VIRMA: variants seen among roughly 807,000 people sequenced by gnomAD.
VIRMA encodes protein virilizer homolog.
In VIRMA, 65 loss-of-function variants were observed where a neutral mutation model predicts 182.4. That is an observed-to-expected ratio of 0.36 (90% CI 0.29 to 0.44). The LOEUF (loss-of-function observed/expected upper bound fraction) is 0.44. VIRMA is among the 20% of genes least tolerant of loss of function. VIRMA has a pLI of 1.00. For synonymous variants in VIRMA, 709 were observed against 743.1 expected (o/e 0.95, Z 0.75); for missense variants, 1,752 against 2,158.1 (o/e 0.81, Z 3.73).
intron 15 of VIRMA, 97 bp from the exon 16 acceptor site, chr8:94,506,814 A>G (rs1368172357): frequency 1.3e-5 from 9 of 672,070 alleles, no homozygotes; most frequent in Non-Finnish European, 2.3e-5. Context: ...TTCAATAACT[A>G]TCTCATTAAA....
intron 10 of VIRMA, among the ~76,000 whole-genome samples, chr8:94,517,454 TGGCCTCCCAAAG>T (rs1814600325): frequency 6.6e-6 from 1 of 152,204 alleles, no homozygotes; most frequent in Admixed American, 6.5e-5. Context: ...CCACCCGCCT[TGGCCTCCCAAAG>T]TGCTGGGATT....
At chr8:94,520,319 G>C (rs756369713) in intron 8 of VIRMA, among the ~76,000 whole-genome samples, 5 of 151,708 alleles carry the variant, frequency 3.3e-5, no homozygotes, top group Non-Finnish European at 7.4e-5. Context: ...AATATAGTGA[G>C]ACCCTGTCTC....
intron 11 of VIRMA, among the ~76,000 whole-genome samples, chr8:94,513,193 C>T (rs1477612732): frequency 1.3e-5 from 2 of 152,056 alleles, no homozygotes; most frequent in Non-Finnish European, 2.9e-5. Flanking sequence ...CAAAAATTAG[C>T]CAAGCGTGGT....
At chr8:94,518,584 A>G (rs972554045) in intron 9 of VIRMA, among the ~76,000 whole-genome samples, 1 of 152,184 alleles carries the variant, frequency 6.6e-6, no homozygotes, top group African/African-American at 2.4e-5. Flanking sequence ...CAATTTACCC[A>G]TCTAGTCAAA....
chr8:94,488,655 A>G lies in VIRMA; in HGVS notation c.*51T>C. 6.4e-7 allele frequency: 1 copy of G among 1,561,684 alleles called. No individual in the cohort carries two copies. Among genetic ancestry groups the G allele is most frequent in the South Asian group, 1.2e-5 (1 of 85,016 alleles). On this transcript the variant is annotated 3_prime_UTR_variant, in exon 24 of 24. Transcript: ENST00000297591. Reference sequence around the variant, plus strand: ...ATTGGTCCTTCAATGTCTTATTTTTATTGTCCTCGTGAAATGTTCATATAC... The same window carrying G: ...ATTGGTCCTTCAATGTCTTATTTTTGTTGTCCTCGTGAAATGTTCATATAC...
intron 13 of VIRMA, chr8:94,510,858 G>A: frequency 1.2e-6 from 1 of 807,126 alleles, no homozygotes; most frequent in South Asian, 2.0e-5. Context: ...TAGTTGAGCA[G>A]AGTCCATTGG....
chr8:94,491,107 A>C (rs1726735709), intron 22 of VIRMA, among the ~76,000 whole-genome samples: 1 of 146,998 alleles, frequency 6.8e-6, no homozygotes, highest in African/African-American at 2.6e-5. Context: ...TGAGGTCAGG[A>C]GTTTGAGACT....
intron 16 of VIRMA, among the ~76,000 whole-genome samples, chr8:94,503,900 C>T (rs978436606): frequency 6.6e-5 from 10 of 151,882 alleles, no homozygotes; most frequent in African/African-American, 2.4e-4. Context: ...AGGTTGGGCA[C>T]AGTGGCTCAC....
At chr8:94,500,817 C>G (rs373294104) in intron 16 of VIRMA, among the ~76,000 whole-genome samples, 6 of 152,094 alleles carry the variant, frequency 3.9e-5, no homozygotes, top group African/African-American at 1.4e-4. Context: ...TTATTCATAA[C>G]CACCAAAATT....
intron 15 of VIRMA, among the ~76,000 whole-genome samples, chr8:94,507,026 T>C (rs1415454584): frequency 1.3e-5 from 2 of 152,104 alleles, no homozygotes; most frequent in Non-Finnish European, 2.9e-5. Context: ...CTGTTTTCAA[T>C]AGGTTAAAGG....
chr8:94,513,266 G>A lies in VIRMA; in HGVS notation c.2752-1177C>T, dbSNP rs1295797334. On this transcript the variant is annotated intron_variant, in intron 11 of 23. Coordinates refer to ENST00000297591, the MANE Select transcript of VIRMA (RefSeq NM_015496.5). The stretch of plus-strand genomic sequence containing the variant: ...GGCAGGGAATTGCTTGAATCTGGAA[G>A]ATGGAAGTTGCAGTGAGCTGAGATT... Among the ~76,000 whole-genome samples the A allele has an allele frequency of 3.9e-5, 6 of 152,110 alleles. No individual in the cohort carries two copies. In the South Asian group the frequency reaches 8.3e-4, roughly 21 times the overall value.
At chr8:94,522,094 G>C (rs1372283423) in intron 8 of VIRMA, among the ~76,000 whole-genome samples, 1 of 152,190 alleles carries the variant, frequency 6.6e-6, no homozygotes, top group Non-Finnish European at 1.5e-5. Context: ...TCTGGTATAA[G>C]ATAGGCAGTG....
chr8:94,507,583 CCTCT>C (rs1287269522), intron 15 of VIRMA, among the ~76,000 whole-genome samples: 2 of 151,740 alleles, frequency 1.3e-5, no homozygotes, highest in African/African-American at 4.8e-5. Flanking sequence ...GGTGAAACAC[CCTCT>C]CTACCAAAAA....
chr8:94,539,036 G>A (rs1434874733), intron 2 of VIRMA, among the ~76,000 whole-genome samples: 3 of 151,734 alleles, frequency 2.0e-5, no homozygotes, highest in African/African-American at 7.3e-5. Flanking sequence ...CAAGTAGCTG[G>A]GACTACAGGT....
chr8:94,488,755 A>T lies in VIRMA; in HGVS notation c.5390T>A (p.Val1797Asp). Reference sequence around the variant, plus strand: ...ACGACCTCTACCACTGCCTCCACTAACAAACTTTCCTCTTGAGCCTCCACT... The same window carrying T: ...ACGACCTCTACCACTGCCTCCACTATCAAACTTTCCTCTTGAGCCTCCACT... ...SGSGGSRGKF[V>D]SGGSGRGRHV... Residue 1797 changes from valine to aspartate, a missense_variant, in exon 24 of 24, where the codon GTT becomes GAT. Physicochemically the swap from Val to Asp is radical, Grantham distance 152. Coordinates refer to ENST00000297591, the MANE Select transcript of VIRMA (RefSeq NM_015496.5). The T allele has an allele frequency of 6.2e-7, 1 of 1,614,206 alleles. No homozygotes were observed. The highest frequency in any genetic ancestry group is 8.5e-7 in the Non-Finnish European group (1 of 1,180,040).
intron 17 of VIRMA, chr8:94,498,074 C>G (rs537254133): frequency 6.6e-6 from 1 of 152,096 alleles, no homozygotes; most frequent in South Asian, 2.1e-4. Flanking sequence ...TACACTGGCA[C>G]GATCATAGCT....
At chr8:94,541,141 T>G (rs908361614) in intron 2 of VIRMA, among the ~76,000 whole-genome samples, 80 of 149,872 alleles carry the variant, frequency 5.3e-4, no homozygotes, top group African/African-American at 1.9e-3. Context: ...TTTTTTTTTT[T>G]GAAACAGTCT....
chr8:94,511,967 T>G, intron 12 of VIRMA, 29 bp downstream of exon 12: 1 of 1,291,344 alleles, frequency 7.7e-7, no homozygotes, highest in Non-Finnish European at 1.1e-6. Flanking sequence ...TTAAGAATCG[T>G]AGTTTTTAAA....
chr8:94,517,997 A>AT, intron 9 of VIRMA, 55 bp from the exon 10 acceptor site: 1 of 1,376,078 alleles, frequency 7.3e-7, no homozygotes, highest in South Asian at 1.3e-5. Context: ...TTTTAGGAAC[A>AT]ATTTTTAAAA....
Sources: allele counts gnomAD v4.1 joint callset (sites outside exome capture counted in the v4.1 genomes callset), GRCh38; gene constraint gnomAD v4.1.1; transcripts MANE v1.5; gene names NCBI Gene and HGNC (gene_info 2026-07-23, HGNC 2026-07-21).